The following HMGA2 variants were observed in gnomAD, a reference collection of about 807,000 sequenced individuals.
HMGA2 encodes the protein high mobility group AT-hook 2.
Under a neutral mutation model 19.1 loss-of-function variants are expected in HMGA2, and 8 were observed. The ratio of observed to expected loss-of-function variants is 0.42; its 90% CI spans 0.25 to 0.76. The LOEUF is 0.76. Ranked by LOEUF, HMGA2 falls within the 30% of genes least tolerant of loss-of-function variation. The pLI is 0.28. For missense variants in HMGA2, 109 were observed against 136.3 expected (o/e 0.80, Z 1.00); for synonymous variants, 60 against 48.8 (o/e 1.23, Z -0.96).
At chr12:65,828,214 C>T in intron 2 of HMGA2, 127 bp downstream of exon 2, 1 of 740,942 alleles carries the variant, frequency 1.3e-6, no homozygotes, top group Non-Finnish European at 2.5e-6. Flanking sequence ...AGACTCATTT[C>T]TTACATTTAA....
In HMGA2 at chr12:65,965,202, A is replaced by G. The variant is rs1876873845; in HGVS notation, c.*1910A>G. The stretch of plus-strand genomic sequence containing the variant: ...GAGATGCAACAAGCCCTGCTTTTGC[A>G]TAATGCAATCAAAAATATGTGTTTT... On this transcript the variant is annotated 3_prime_UTR_variant, in exon 5 of 5. Coordinates refer to ENST00000403681, the MANE Select transcript of HMGA2 (RefSeq NM_003483.6). The G allele has an allele frequency of 5.0e-6, 1 of 200,650 alleles. No individual in the cohort carries two copies. Among genetic ancestry groups the G allele is most frequent in the Non-Finnish European group, 1.0e-5 (1 of 97,032 alleles). 12.4% of individuals were successfully genotyped at this position (200,650 alleles called of 1,614,324 possible). A position where few individuals can be genotyped will look rare whatever the true frequency, so the allele number is the denominator to read the frequency against.
chr12:65,873,999 C>G (rs921558618), intron 3 of HMGA2: 5 of 152,188 alleles, frequency 3.3e-5, no homozygotes, highest in African/African-American at 7.2e-5. Flanking sequence ...TTTTATCTCT[C>G]TATAGCCTAC....
At chr12:65,831,323 T>C (rs1313934382) in intron 2 of HMGA2, among the ~76,000 whole-genome samples, 1 of 151,750 alleles carries the variant, frequency 6.6e-6, no homozygotes, top group Non-Finnish European at 1.5e-5. Flanking sequence ...ACTGGAGGGG[T>C]TGTCACTAAT....
At position 65,966,021 on chromosome 12, in the gene HMGA2, T is replaced by C; in HGVS notation, c.*2729T>C. The C allele has an allele frequency of 4.5e-6, 1 of 221,464 alleles. No individual in the cohort carries two copies. 13.7% of individuals were successfully genotyped at this position (221,464 alleles called of 1,614,324 possible). A position where few individuals can be genotyped will look rare whatever the true frequency, so the allele number is the denominator to read the frequency against. On this transcript the variant is annotated 3_prime_UTR_variant, in exon 5 of 5. Coordinates refer to ENST00000403681, the MANE Select transcript of HMGA2 (RefSeq NM_003483.6). Reference sequence around the variant, plus strand: ...CTACCATTTCTGCAAGTTAGGTATGTTTGCAGGAGAAAAGTATCAAGACGT... The same window carrying C: ...CTACCATTTCTGCAAGTTAGGTATGCTTGCAGGAGAAAAGTATCAAGACGT...
At chr12:65,859,994 G>A in intron 3 of HMGA2, 1 of 446,886 alleles carries the variant, frequency 2.2e-6, no homozygotes, top group Non-Finnish European at 4.5e-6. Flanking sequence ...TCGGGAGGCT[G>A]AGGTGGGAAA....
chr12:65,894,043 T>C (rs1462597674), intron 3 of HMGA2, among the ~76,000 whole-genome samples: 1 of 152,206 alleles, frequency 6.6e-6, no homozygotes, highest in Non-Finnish European at 1.5e-5. Context: ...TTATAATGGT[T>C]TTGAATGCAC....
chr12:65,943,883 A>G (rs1876173002), intron 3 of HMGA2, among the ~76,000 whole-genome samples: 1 of 152,186 alleles, frequency 6.6e-6, no homozygotes, highest in South Asian at 2.1e-4. Context: ...AGGTTCAGAG[A>G]AAACCCTGAC....
intron 3 of HMGA2, among the ~76,000 whole-genome samples, chr12:65,891,049 G>A (rs1002202262): frequency 2.0e-5 from 3 of 152,062 alleles, no homozygotes; most frequent in South Asian, 2.1e-4. Context: ...CAATATATTC[G>A]TATATGTGAA....
intron 3 of HMGA2, among the ~76,000 whole-genome samples, chr12:65,871,878 T>A (rs1872727072): frequency 1.3e-5 from 2 of 152,218 alleles, no homozygotes; most frequent in African/African-American, 4.8e-5. Context: ...ATATTTAATT[T>A]TCCTATTTGA....
intron 3 of HMGA2, among the ~76,000 whole-genome samples, chr12:65,946,497 A>T (rs1565740013): frequency 6.6e-6 from 1 of 151,742 alleles, no homozygotes; most frequent in African/African-American, 2.4e-5. Context: ...ATTGTGCCTA[A>T]TTTTTTTTTA....
chr12:65,910,797 T>A (rs1174467441), intron 3 of HMGA2, among the ~76,000 whole-genome samples: 1 of 152,230 alleles, frequency 6.6e-6, no homozygotes, highest in East Asian at 1.9e-4. Flanking sequence ...TTCTTATATG[T>A]GTCCTTTTGA....
intron 2 of HMGA2, among the ~76,000 whole-genome samples, chr12:65,830,006 T>A (rs1314559360): frequency 6.6e-6 from 1 of 152,016 alleles, no homozygotes. Context: ...AGAAGTAGGC[T>A]TTCTTTTTTC....
Position 65,824,727 on chromosome 12 carries a change from C to G in HMGA2, c.-544C>G, listed in dbSNP as rs1182798349. 47 of 172,372 alleles carry G rather than the reference C, an allele frequency of 2.7e-4. No individual in the cohort carries two copies. Among genetic ancestry groups the G allele is most frequent in the African/African-American group, 1.6e-3 (46 of 29,232 alleles). 10.7% of individuals were successfully genotyped at this position (172,372 alleles called of 1,614,324 possible). A position where few individuals can be genotyped will look rare whatever the true frequency, so the allele number is the denominator to read the frequency against. On this transcript the variant is annotated 5_prime_UTR_variant, in exon 1 of 5. Coordinates refer to ENST00000403681, the MANE Select transcript of HMGA2 (RefSeq NM_003483.6). ...ATCTCAATCTCTTCTCTCTCTCTCTCTCTCTCTCTCTCTCTCTCTCTCTCT... is the reference window on the plus strand; with the variant it reads ...ATCTCAATCTCTTCTCTCTCTCTCTGTCTCTCTCTCTCTCTCTCTCTCTCT...
intron 3 of HMGA2, among the ~76,000 whole-genome samples, chr12:65,906,627 A>C (rs1157605553): frequency 1.3e-5 from 2 of 152,196 alleles, no homozygotes; most frequent in African/African-American, 4.8e-5. Context: ...TTCAACTCAT[A>C]GAATACTCTT....
chr12:65,868,785 T>G (rs11831337), intron 3 of HMGA2, among the ~76,000 whole-genome samples: 109 of 152,314 alleles, frequency 7.2e-4, no homozygotes, highest in African/African-American at 2.6e-3. Context: ...ACTGTTAGCA[T>G]CAATTTTAAT....
At chr12:65,920,018 C>A (rs1473664677) in intron 3 of HMGA2, among the ~76,000 whole-genome samples, 1 of 152,170 alleles carries the variant, frequency 6.6e-6, no homozygotes, top group African/African-American at 2.4e-5. Context: ...GGGAGAAAAT[C>A]ATTTAGTTGT....
intron 3 of HMGA2, among the ~76,000 whole-genome samples, chr12:65,901,742 A>G (rs1468708574): frequency 6.6e-6 from 1 of 152,178 alleles, no homozygotes; most frequent in Non-Finnish European, 1.5e-5. Flanking sequence ...CCTGACGTTA[A>G]ACATTTACTA....
At chr12:65,892,659 G>T (rs763360518) in intron 3 of HMGA2, among the ~76,000 whole-genome samples, 1 of 152,082 alleles carries the variant, frequency 6.6e-6, no homozygotes, top group Non-Finnish European at 1.5e-5. Context: ...TGTCATCTCC[G>T]AGAGAATCTG....
intron 4 of HMGA2, among the ~76,000 whole-genome samples, chr12:65,961,148 A>G (rs780997628): frequency 2.2e-4 from 33 of 152,252 alleles, no homozygotes; most frequent in Non-Finnish European, 4.1e-4. Flanking sequence ...GGAATAAAAT[A>G]TACTTGCTGG....
Sources: gnomAD v4.1 joint callset for allele counts (sites outside exome capture counted in the v4.1 genomes callset) on GRCh38, gnomAD v4.1.1 for gene constraint, MANE v1.5 for transcripts, NCBI Gene and HGNC (gene_info 2026-07-23, HGNC 2026-07-21) for gene names.